The following ANKRD17 variants were observed in gnomAD, a reference collection of about 807,000 sequenced individuals.
The protein encoded by ANKRD17 is ankyrin repeat domain-containing protein 17.
A neutral mutation model predicts 229.7 loss-of-function variants in ANKRD17; 19 were observed. The observed-to-expected ratio is 0.08, with a 90% confidence interval of 0.06 to 0.12. The LOEUF is 0.12. Ranked by LOEUF, ANKRD17 falls within the 10% of genes least tolerant of loss-of-function variation. The pLI is 1.00. For missense variants in ANKRD17, 2,176 were observed against 3,176.8 expected, an observed-to-expected ratio of 0.68 and a Z score of 7.57; for synonymous variants, 1,112 against 1,146.1, an observed-to-expected ratio of 0.97 and a Z score of 0.60.
chr4:73,098,157 G>A lies in ANKRD17; in HGVS notation c.4937C>T (p.Thr1646Ile). 5 of 1,614,194 alleles carry A rather than the reference G, an allele frequency of 3.1e-6. No homozygotes were observed. Among genetic ancestry groups the A allele is most frequent in the Non-Finnish European group, 4.2e-6 (5 of 1,180,028 alleles). ...TGATGGCTGCTTTTTGCTGCTCACA[G>A]TGGTAGTGACCACAGCTGGTGAATG... ...DNHSPAVVTTTVSSKKQPSVL... is the reference protein window; with the variant it reads ...DNHSPAVVTTIVSSKKQPSVL... The change falls in exon 26 of 34, where the codon ACT becomes ATT. Residue 1646 changes from threonine (T) to isoleucine (I), a missense_variant. Physicochemically the swap from Thr to Ile is moderately conservative, Grantham distance 89 (BLOSUM62 -1). Coordinates refer to ENST00000358602, the MANE Select transcript of ANKRD17 (RefSeq NM_032217.5).
At chr4:73,235,482 C>T (rs1315653790) in intron 1 of ANKRD17, among the ~76,000 whole-genome samples, 1 of 152,168 alleles carries the variant, frequency 6.6e-6, no homozygotes, top group Non-Finnish European at 1.5e-5. Flanking sequence ...CCTTTTGTTC[C>T]TCTTAAGGGT....
At chr4:73,083,125 G>A (rs1024287513) in intron 30 of ANKRD17, among the ~76,000 whole-genome samples, 2 of 152,066 alleles carry the variant, frequency 1.3e-5, no homozygotes, top group Non-Finnish European at 2.9e-5. Flanking sequence ...AATATACAAG[G>A]GATCCTTGTG....
chr4:73,248,402 A>G (rs1744694380), intron 1 of ANKRD17, among the ~76,000 whole-genome samples: 1 of 152,052 alleles, frequency 6.6e-6, no homozygotes, highest in South Asian at 2.1e-4. Context: ...TATAGGATTT[A>G]TACGGGGCTA....
At chr4:73,251,625 T>C (rs1745036862) in intron 1 of ANKRD17, among the ~76,000 whole-genome samples, 1 of 151,200 alleles carries the variant, frequency 6.6e-6, no homozygotes, top group Non-Finnish European at 1.5e-5. Flanking sequence ...AAAATATAAG[T>C]GGTACCAGCA....
intron 29 of ANKRD17, among the ~76,000 whole-genome samples, chr4:73,087,623 G>A (rs1722333032): frequency 6.6e-6 from 1 of 152,152 alleles, no homozygotes; most frequent in African/African-American, 2.4e-5. Context: ...TGGATCAAAT[G>A]GCAAGGAAAA....
chr4:73,223,579 T>C (rs183861076), intron 1 of ANKRD17, among the ~76,000 whole-genome samples: 1 of 152,228 alleles, frequency 6.6e-6, no homozygotes, highest in Non-Finnish European at 1.5e-5. Flanking sequence ...GATTTTTTAA[T>C]AGTAAATTGG....
At chr4:73,168,449 T>C (rs1459736826) in intron 2 of ANKRD17, among the ~76,000 whole-genome samples, 2 of 151,640 alleles carry the variant, frequency 1.3e-5, no homozygotes, top group East Asian at 3.9e-4. Context: ...TGTGTGTGTG[T>C]ATATATATAT....
At chr4:73,199,211 T>A (rs1192434843) in intron 1 of ANKRD17, among the ~76,000 whole-genome samples, 1 of 144,048 alleles carries the variant, frequency 6.9e-6, no homozygotes, top group Non-Finnish European at 1.5e-5. Context: ...TGCGAAAACA[T>A]ACAGTTTGGC....
At chr4:73,195,004 A>T (rs1003698694) in intron 1 of ANKRD17, among the ~76,000 whole-genome samples, 2 of 152,146 alleles carry the variant, frequency 1.3e-5, no homozygotes, top group African/African-American at 2.4e-5. Flanking sequence ...GGAATGGAAA[A>T]CGTTGCTAAA....
chr4:73,188,891 T>C (rs1301149414), intron 1 of ANKRD17, among the ~76,000 whole-genome samples: 1 of 152,240 alleles, frequency 6.6e-6, no homozygotes, highest in East Asian at 1.9e-4. Context: ...GTTGAGCACA[T>C]CTATGAATCA....
At chr4:73,081,054 A>G (rs1028349965) in intron 30 of ANKRD17, among the ~76,000 whole-genome samples, 1 of 152,204 alleles carries the variant, frequency 6.6e-6, no homozygotes, top group Non-Finnish European at 1.5e-5. Context: ...TTTTTATCAG[A>G]TGACCCTGTT....
Position 73,075,195 on chromosome 4 carries a change from C to T in ANKRD17, c.*1036G>A. 1 of 152,014 alleles carries T rather than the reference C, an allele frequency of 6.6e-6. No individual in the cohort carries two copies. Among genetic ancestry groups the T allele is most frequent in the Non-Finnish European group, 1.5e-5 (1 of 67,934 alleles). The allele number at this position is 152,014 out of a possible 1,614,324, so 9.4% of individuals were successfully genotyped here. A position where few individuals can be genotyped will look rare whatever the true frequency, so the allele number is the denominator to read the frequency against. ...AAATTTTTATGTTGACTGTTGATGACTGAAAAGCCAATGTTAAGAATCAAT... is the reference window on the plus strand; with the variant it reads ...AAATTTTTATGTTGACTGTTGATGATTGAAAAGCCAATGTTAAGAATCAAT... On this transcript the variant is annotated 3_prime_UTR_variant, in exon 34 of 34. Transcript: ENST00000358602.
intron 10 of ANKRD17, 38 bp from the exon 11 acceptor site, chr4:73,144,870 G>C (rs761909413): frequency 7.3e-7 from 1 of 1,378,826 alleles, no homozygotes; most frequent in Admixed American, 2.2e-5. Context: ...ACATTTAATT[G>C]CCAGTGAACA....
chr4:73,091,227 C>G lies in ANKRD17; in HGVS notation c.6401G>C (p.Arg2134Thr), dbSNP rs941165195. The G allele has an allele frequency of 1.9e-6, 3 of 1,614,198 alleles. No individual in the cohort carries two copies. The highest frequency in any genetic ancestry group is 2.5e-6 in the Non-Finnish European group (3 of 1,180,040). The change falls in exon 29 of 34, where the codon AGA becomes ACA. Residue 2134 changes from arginine to threonine, a missense_variant. Arg to Thr is a moderately conservative substitution (Grantham distance 71). This residue lies in a region of ANKRD17 where 424 missense variants were observed against 454.0 expected (regional missense o/e 0.93). Coordinates refer to ENST00000358602, the MANE Select transcript of ANKRD17 (RefSeq NM_032217.5). Reference sequence around the variant, plus strand: ...TGTTGCTAAAGGAGGAACAGTCATTCTAACTTCCGGGGGAGGAACCTGAGA... The same window carrying G: ...TGTTGCTAAAGGAGGAACAGTCATTGTAACTTCCGGGGGAGGAACCTGAGA... ...QQSQVPPPEV[R>T]MTVPPLATSS...
At position 73,075,999 on chromosome 4, in the gene ANKRD17, A is replaced by G. The variant is rs1720970252; in HGVS notation, c.*232T>C. 5.1e-6 allele frequency: 2 copies of G among 395,406 alleles called. No homozygotes were observed. Among genetic ancestry groups the G allele is most frequent in the South Asian group, 1.3e-4 (2 of 15,154 alleles). 24.5% of individuals were successfully genotyped at this position (395,406 alleles called of 1,614,324 possible). On this transcript the variant is annotated 3_prime_UTR_variant, in exon 34 of 34. Transcript: ENST00000358602. Reference sequence around the variant, plus strand: ...GTCCAAAGGGGAAGAGGGAAAGAAAAAAAGAAAAATGATAAGAAAAATGCT... The same window carrying G: ...GTCCAAAGGGGAAGAGGGAAAGAAAGAAAGAAAAATGATAAGAAAAATGCT...
chr4:73,094,050 G>A (rs768894280), intron 28 of ANKRD17, 29 bp downstream of exon 28: 4 of 1,607,146 alleles, frequency 2.5e-6, no homozygotes, highest in Non-Finnish European at 3.4e-6. Flanking sequence ...ATAAAATAAA[G>A]GAAGAAAATG....
intron 10 of ANKRD17, among the ~76,000 whole-genome samples, chr4:73,145,785 C>T (rs1730195499): frequency 6.6e-6 from 1 of 152,124 alleles, no homozygotes; most frequent in African/African-American, 2.4e-5. Context: ...CCTTGTTAGA[C>T]TTAGTGCTAA....
intron 21 of ANKRD17, among the ~76,000 whole-genome samples, 159 bp from the exon 22 acceptor site, chr4:73,119,009 C>A (rs747548451): frequency 6.6e-6 from 1 of 150,518 alleles, no homozygotes; most frequent in Non-Finnish European, 1.5e-5. Flanking sequence ...ACCTCAGCCT[C>A]CAGAGTAGCT....
At chr4:73,150,031 A>G (rs1391228477) in intron 7 of ANKRD17, among the ~76,000 whole-genome samples, 1 of 152,068 alleles carries the variant, frequency 6.6e-6, no homozygotes, top group African/African-American at 2.4e-5. Context: ...TCTTTCAAAC[A>G]TGCCATGCCT....
Sources: gnomAD v4.1 joint callset for allele counts (sites outside exome capture counted in the v4.1 genomes callset) on GRCh38, gnomAD v4.1.1 for gene constraint, gnomAD v4.1.1 regional missense constraint, MANE v1.5 for transcripts, NCBI Gene and HGNC (gene_info 2026-07-23, HGNC 2026-07-21) for gene names.